The following THADA variants were observed in gnomAD, a reference collection of about 807,000 sequenced individuals.
THADA encodes tRNA (32-2'-O)-methyltransferase regulator THADA.
A neutral mutation model predicts 219.8 loss-of-function variants in THADA; 213 were observed. That is an observed-to-expected ratio of 0.97 (90% confidence interval 0.87 to 1.09). The LOEUF is 1.09. Among genes scored for constraint, THADA ranks in the 50% least tolerant of loss-of-function variants. THADA has a pLI of 0.00. For missense variants in THADA, 2,956 were observed against 2,311.3 expected, an observed-to-expected ratio of 1.28 and a Z score of -5.72; for synonymous variants, 1,018 against 828.9, an observed-to-expected ratio of 1.23 and a Z score of -3.92.
At chr2:43,485,187 T>C (rs1314649589) in intron 26 of THADA, 47 bp downstream of exon 26, 6 of 1,445,880 alleles carry the variant, frequency 4.1e-6, no homozygotes, top group African/African-American at 1.4e-5. Flanking sequence ...GCCAGGACAA[T>C]ATTGTATTTT....
chr2:43,338,297 C>CA (rs1160097144), intron 30 of THADA, among the ~76,000 whole-genome samples: 2 of 151,930 alleles, frequency 1.3e-5, no homozygotes, highest in African/African-American at 4.8e-5. Flanking sequence ...GCTGGGACTA[C>CA]AGGTGTGCGC....
At chr2:43,338,069 T>C (rs1666669078) in intron 30 of THADA, among the ~76,000 whole-genome samples, 2 of 152,024 alleles carry the variant, frequency 1.3e-5, no homozygotes. Context: ...ATACATAATA[T>C]AAACTTTACC....
intron 26 of THADA, among the ~76,000 whole-genome samples, chr2:43,476,064 G>C (rs1403054629): frequency 2.6e-5 from 4 of 152,094 alleles, no homozygotes; most frequent in Admixed American, 2.6e-4. Flanking sequence ...CTTCGGGGAG[G>C]ACCAGCACCA....
chr2:43,287,812 T>G (rs889564559), intron 34 of THADA, among the ~76,000 whole-genome samples: 8 of 152,204 alleles, frequency 5.3e-5, no homozygotes, highest in African/African-American at 1.9e-4. Context: ...CTCTTGCTTT[T>G]GGGAGTAACA....
chr2:43,573,093 A>T, intron 11 of THADA, 101 bp from the exon 12 acceptor site: 1 of 969,994 alleles, frequency 1.0e-6, no homozygotes, highest in Non-Finnish European at 1.4e-6. Flanking sequence ...TATTTCAATA[A>T]ATAAAAATCA....
chr2:43,374,731 A>G (rs1213670860), intron 29 of THADA, among the ~76,000 whole-genome samples: 1 of 152,190 alleles, frequency 6.6e-6, no homozygotes, highest in Non-Finnish European at 1.5e-5. Flanking sequence ...TATAGTTAAT[A>G]AGTTAACATA....
intron 29 of THADA, chr2:43,372,145 T>A (rs1292149428): frequency 6.6e-6 from 1 of 152,224 alleles, no homozygotes; most frequent in African/African-American, 2.4e-5. Flanking sequence ...TAAACATCAG[T>A]GGCAAATGTC....
chr2:43,527,201 A>T (rs528266742), intron 22 of THADA, among the ~76,000 whole-genome samples: 1 of 152,328 alleles, frequency 6.6e-6, no homozygotes, highest in African/African-American at 2.4e-5. Flanking sequence ...AAAAGTTTCC[A>T]GGCAATGGAA....
chr2:43,463,983 C>T (rs2104938248), intron 26 of THADA, among the ~76,000 whole-genome samples: 1 of 152,256 alleles, frequency 6.6e-6, no homozygotes, highest in Non-Finnish European at 1.5e-5. Flanking sequence ...ATTACTAATA[C>T]ATTCTACTAT....
Position 43,415,275 on chromosome 2 carries a change from A to T in THADA, c.4058+12825T>A, listed in dbSNP as rs141377164. ...CTCATAATGGAGGAGGCATCTGAGAAAATTAAGTGGGTAGAGGGCACTGCT... is the reference window on the plus strand; with the variant it reads ...CTCATAATGGAGGAGGCATCTGAGATAATTAAGTGGGTAGAGGGCACTGCT... On this transcript the variant is annotated intron_variant, in intron 28 of 37. Transcript: ENST00000405975. Among the ~76,000 whole-genome samples the T allele has an allele frequency of 4.6e-5, 7 of 152,342 alleles. No homozygotes were observed. In the East Asian group the frequency reaches 1.4e-3, roughly 29 times the overall value.
Position 43,515,338 on chromosome 2 carries a change from A to ATAATATTTT in THADA, c.3375-6559_3375-6558insAAAATATTA, listed in dbSNP as rs1452933895. 1.1e-3 allele frequency among the ~76,000 whole-genome samples: 42 copies of ATAATATTTT among 37,102 alleles called. 1 individual carries two copies. The East Asian group carries it at 0.019, about 17-fold the overall frequency. The allele number at this position is 37,102 out of a possible 152,430, so 24.3% of individuals were successfully genotyped here. ...ATATTTTATATATAATATATAATATAATATATAATATTTTATATATAATAT... is the reference window on the plus strand; with the variant it reads ...ATATTTTATATATAATATATAATATATAATATTTTATATATAATATTTTATATATAATAT... On this transcript the variant is annotated intron_variant, in intron 22 of 37. Coordinates refer to ENST00000405975, the MANE Select transcript of THADA (RefSeq NM_022065.5).
intron 1 of THADA, among the ~76,000 whole-genome samples, chr2:43,594,975 T>G (rs187585087): frequency 9.2e-5 from 14 of 152,372 alleles, no homozygotes; most frequent in Admixed American, 5.2e-4. Context: ...AATTTGTATA[T>G]TGTCTGTCTC....
intron 25 of THADA, among the ~76,000 whole-genome samples, chr2:43,490,123 A>G (rs1687447171): frequency 6.6e-6 from 1 of 152,152 alleles, no homozygotes. Context: ...TGCTATCATA[A>G]ATGAAACTGT....
intron 23 of THADA, 110 bp downstream of exon 23, chr2:43,508,538 C>CA (rs1689988433): frequency 9.1e-7 from 1 of 1,099,898 alleles, no homozygotes; most frequent in Admixed American, 3.0e-5. Context: ...GCTGAAAAGA[C>CA]AGAAATGTCC....
At chr2:43,562,831 A>T (rs1298031345) in intron 15 of THADA, 2 of 152,152 alleles carry the variant, frequency 1.3e-5, no homozygotes, top group East Asian at 3.9e-4. Context: ...TGTCCATTTC[A>T]TGTAGGTTAT....
intron 36 of THADA, among the ~76,000 whole-genome samples, chr2:43,248,963 T>G (rs1669541028): frequency 6.6e-6 from 1 of 152,192 alleles, no homozygotes; most frequent in African/African-American, 2.4e-5. Context: ...CACCTCTGTA[T>G]GCACAGTAAC....
intron 22 of THADA, among the ~76,000 whole-genome samples, chr2:43,527,352 G>A (rs373936809): frequency 2.6e-5 from 4 of 152,158 alleles, no homozygotes; most frequent in African/African-American, 9.7e-5. Flanking sequence ...TAACTATAAT[G>A]TCAAGAAATA....
At chr2:43,238,769 T>A (rs775833991) in intron 36 of THADA, among the ~76,000 whole-genome samples, 2 of 152,068 alleles carry the variant, frequency 1.3e-5, no homozygotes, top group South Asian at 4.2e-4. Context: ...TACAATGGAA[T>A]AGTAATCAGC....
At chr2:43,560,002 C>T (rs900738043) in intron 16 of THADA, among the ~76,000 whole-genome samples, 1 of 152,286 alleles carries the variant, frequency 6.6e-6, no homozygotes, top group East Asian at 1.9e-4. Context: ...CCCTTTTTAT[C>T]AAAGCAATAA....
Sources: allele counts gnomAD v4.1 joint callset (sites outside exome capture counted in the v4.1 genomes callset), GRCh38; gene constraint gnomAD v4.1.1; transcripts MANE v1.5; gene names NCBI Gene and HGNC (gene_info 2026-07-23, HGNC 2026-07-21).